CFAP47: variants seen among roughly 807,000 people sequenced by gnomAD.
The protein encoded by CFAP47 is cilia- and flagella-associated protein 47.
Under a neutral mutation model 148.1 loss-of-function variants are expected in CFAP47, and 29 were observed. The observed-to-expected ratio is 0.20, with a 90% CI of 0.15 to 0.27. CFAP47 has a LOEUF of 0.27. CFAP47 is among the 10% of genes least tolerant of loss of function. The pLI, the probability that CFAP47 is intolerant of heterozygous loss-of-function variation, is 1.00. For missense variants in CFAP47, 1,872 were observed against 1,697.5 expected (o/e 1.10, Z -1.81); for synonymous variants, 664 against 577.3 (o/e 1.15, Z -2.15).
intron 56 of CFAP47, among the ~76,000 whole-genome samples, chrX:36,314,243 A>G (rs1040184696): frequency 3.6e-5 from 4 of 111,393 alleles, no homozygotes; most frequent in African/African-American, 1.3e-4. Context: ...TATATATTTT[A>G]TATATTTCTA....
At chrX:36,213,493 G>C (rs1177102147) in intron 45 of CFAP47, among the ~76,000 whole-genome samples, 2 of 111,727 alleles carry the variant, frequency 1.8e-5, no homozygotes, top group African/African-American at 6.5e-5. Context: ...TCCCTGCCCA[G>C]ATCACTTGTG....
At chrX:36,349,723 C>T (rs1941726994) in intron 58 of CFAP47, among the ~76,000 whole-genome samples, 1 of 111,326 alleles carries the variant, frequency 9.0e-6, no homozygotes, top group Non-Finnish European at 1.9e-5. Flanking sequence ...TTGTGCTTTG[C>T]CCATCCAATA....
chrX:35,975,369 GATT>G lies in CFAP47; in HGVS notation c.2471+10_2471+12del. The G allele has an allele frequency of 9.2e-7, 1 of 1,081,540 alleles. No individual in the cohort carries two copies. The highest frequency in any genetic ancestry group is 1.3e-6 in the Non-Finnish European group (1 of 785,029). The allele number at this position is 1,081,540 out of a possible 1,213,427, so 89.1% of individuals were successfully genotyped here. A position where few individuals can be genotyped will look rare whatever the true frequency, so the allele number is the denominator to read the frequency against. On this transcript the variant is annotated splice_region_variant and intron_variant, in intron 14 of 63. Coordinates refer to ENST00000378653, the MANE Select transcript of CFAP47 (RefSeq NM_001304548.2). ...ACCATTGGAAAATTTTGGAAGTAGGGATTATTTTTGAATTTCTGCTTGTTAGAA... is the reference window on the plus strand; with the variant it reads ...ACCATTGGAAAATTTTGGAAGTAGGGATTTTTGAATTTCTGCTTGTTAGAA...
At chrX:36,114,154 G>C (rs1938600847) in intron 33 of CFAP47, among the ~76,000 whole-genome samples, 1 of 111,463 alleles carries the variant, frequency 9.0e-6, no homozygotes, top group South Asian at 3.8e-4. Flanking sequence ...ATTAATACTT[G>C]TGACTGCATT....
At chrX:36,190,230 G>T in intron 42 of CFAP47, 34 bp downstream of exon 42, 1 of 295,657 alleles carries the variant, frequency 3.4e-6, no homozygotes, top group South Asian at 2.0e-4. Context: ...GTGTTTACAC[G>T]AGCTGTCACT....
intron 40 of CFAP47, among the ~76,000 whole-genome samples, chrX:36,181,699 G>T (rs945958325): frequency 1.8e-5 from 2 of 112,159 alleles, no homozygotes; most frequent in Non-Finnish European, 3.8e-5. Flanking sequence ...AAATAGAGCA[G>T]TCAGGCTCAT....
At chrX:36,009,856 G>C (rs1937019689) in intron 21 of CFAP47, among the ~76,000 whole-genome samples, 1 of 111,541 alleles carries the variant, frequency 9.0e-6, no homozygotes, top group South Asian at 3.7e-4. Flanking sequence ...TATGAGTATA[G>C]CACAGTACTA....
In CFAP47 at chrX:36,067,659, ATTT is replaced by A. The variant is rs368910671; in HGVS notation, c.4318+1931_4318+1933del. Reference sequence around the variant, plus strand: ...CTACCCTCAGAGAATGGCCACGGTGATTTTTTTTTTTTTTTTTCTTGGAGATGG... The same window carrying A: ...CTACCCTCAGAGAATGGCCACGGTGATTTTTTTTTTTTTTCTTGGAGATGG... On this transcript the variant is annotated intron_variant, in intron 27 of 63. Coordinates refer to ENST00000378653, the MANE Select transcript of CFAP47 (RefSeq NM_001304548.2). 9.9e-3 allele frequency among the ~76,000 whole-genome samples: 911 copies of A among 91,609 alleles called. 12 individuals are homozygous for A. Among genetic ancestry groups the A allele is most frequent in the African/African-American group, 0.037 (877 of 23,784 alleles). The allele number at this position is 91,609 out of a possible 115,157, so 79.6% of individuals were successfully genotyped here.
intron 8 of CFAP47, among the ~76,000 whole-genome samples, chrX:35,963,865 T>C (rs755987024): frequency 2.7e-5 from 3 of 111,664 alleles, no homozygotes; most frequent in South Asian, 7.3e-4. Context: ...AATAGAATTA[T>C]GGTTCTTGTC....
At chrX:36,311,028 G>A in intron 56 of CFAP47, 39 bp downstream of exon 56, 1 of 780,140 alleles carries the variant, frequency 1.3e-6, no homozygotes, top group South Asian at 4.3e-5. Flanking sequence ...TTATTTTATA[G>A]GTATTTATCA....
chrX:36,030,586 C>G (rs945377147), intron 22 of CFAP47, among the ~76,000 whole-genome samples: 4 of 110,700 alleles, frequency 3.6e-5, no homozygotes, highest in Non-Finnish European at 5.7e-5. Flanking sequence ...ATAATAAAAA[C>G]ACGTGTAAGA....
Position 36,384,997 on chromosome X carries a change from G to A in CFAP47, c.9555G>A (p.Lys3185=), listed in dbSNP as rs1556024933. ...SSTIKGAPLV[K]NQ ...CCATCAAGGGTGCTCCTTTGGTGAA[G>A]AATCAATAAAATTTTTTTCCAAAAT... The change falls in exon 64 of 64, where the codon AAG becomes AAA. Residue 3185 remains lysine, a synonymous_variant. Transcript: ENST00000378653. 1 of 1,150,226 alleles carries A rather than the reference G, an allele frequency of 8.7e-7. No homozygotes were observed. Among genetic ancestry groups the A allele is most frequent in the African/African-American group, 1.8e-5 (1 of 55,299 alleles). The allele number at this position is 1,150,226 out of a possible 1,213,427, so 94.8% of individuals were successfully genotyped here. A position where few individuals can be genotyped will look rare whatever the true frequency, so the allele number is the denominator to read the frequency against.
At chrX:36,041,925 CA>C (rs61099689) in intron 25 of CFAP47, among the ~76,000 whole-genome samples, 819 of 30,549 alleles carry the variant, frequency 0.027, 5 homozygotes, top group African/African-American at 0.067. Context: ...GACTCCATCT[CA>C]AAAAAAAAAA....
Position 35,919,757 on chromosome X carries a change from C to A in CFAP47, c.-43C>A. ...ACGGTCGTCGACGCTAATCCTTGGC[C>A]GGACGGATCCACATCTGTTTTCTGG... On this transcript the variant is annotated 5_prime_UTR_variant, in exon 1 of 64. Coordinates refer to ENST00000378653, the MANE Select transcript of CFAP47 (RefSeq NM_001304548.2). 1.7e-6 allele frequency: 2 copies of A among 1,168,231 alleles called. No individual in the cohort carries two copies. The highest frequency in any genetic ancestry group is 2.0e-5 in the South Asian group (1 of 51,125).
intron 60 of CFAP47, among the ~76,000 whole-genome samples, chrX:36,354,220 G>A (rs1369129731): frequency 9.0e-6 from 1 of 111,000 alleles, no homozygotes; most frequent in Non-Finnish European, 1.9e-5. Flanking sequence ...GGTGGCTCAC[G>A]CCTGTAATCC....
At chrX:36,157,723 G>T (rs756047902) in intron 37 of CFAP47, among the ~76,000 whole-genome samples, 2 of 110,579 alleles carry the variant, frequency 1.8e-5, no homozygotes, top group Non-Finnish European at 3.8e-5. Context: ...AAACCTAAAA[G>T]AGTGCCTGGA....
intron 3 of CFAP47, among the ~76,000 whole-genome samples, chrX:35,941,987 T>TA (rs774449977): frequency 1.0e-4 from 11 of 110,053 alleles, no homozygotes; most frequent in Non-Finnish European, 1.7e-4. Flanking sequence ...CAGGGATTCT[T>TA]ACTGTGGCCT....
chrX:35,924,167 A>G (rs144449871), intron 1 of CFAP47, among the ~76,000 whole-genome samples: 2,235 of 92,259 alleles, frequency 0.024, 79 homozygotes, highest in African/African-American at 0.057. Flanking sequence ...ATATGTATAT[A>G]TGTACATGTA....
rs370754837 is a variant in CFAP47, at chrX:36,345,008, A to G, written c.8444-3121A>G. 1.5e-4 allele frequency among the ~76,000 whole-genome samples: 17 copies of G among 111,962 alleles called. No homozygotes were observed. In the East Asian group the frequency reaches 4.5e-3, roughly 29 times the overall value. ...CACAATAGAAAATCTATGTTATTGTACTAAGAATAATTGAGAACCACAATA... is the reference window on the plus strand; with the variant it reads ...CACAATAGAAAATCTATGTTATTGTGCTAAGAATAATTGAGAACCACAATA... On this transcript the variant is annotated intron_variant, in intron 57 of 63. Transcript: ENST00000378653.
Sources: allele counts gnomAD v4.1 joint callset (sites outside exome capture counted in the v4.1 genomes callset), GRCh38; gene constraint gnomAD v4.1.1; transcripts MANE v1.5; gene names NCBI Gene and HGNC (gene_info 2026-07-23, HGNC 2026-07-21).